The following RSU1 variants were observed in gnomAD, a reference collection of about 807,000 sequenced individuals.
RSU1 encodes the protein Ras suppressor protein 1.
A neutral mutation model predicts 31.1 loss-of-function variants in RSU1; 26 were observed. That is an observed-to-expected ratio of 0.84 (90% confidence interval 0.61 to 1.16). RSU1 has a LOEUF of 1.16. Ranked by LOEUF, RSU1 falls within the 50% of genes most tolerant of loss-of-function variation. RSU1 has a pLI of 0.00. For missense variants in RSU1, 320 were observed against 339.1 expected (o/e 0.94, Z 0.44); for synonymous variants, 164 against 136.3 (o/e 1.20, Z -1.41).
chr10:16,722,573 T>G (rs1836288298), intron 7 of RSU1, among the ~76,000 whole-genome samples: 1 of 151,864 alleles, frequency 6.6e-6, no homozygotes, highest in Non-Finnish European at 1.5e-5. Context: ...AGGTGAGAGG[T>G]CTAGCTAGGT....
At chr10:16,783,597 T>G (rs34881937) in intron 2 of RSU1, among the ~76,000 whole-genome samples, 22,270 of 151,684 alleles carry the variant, frequency 0.15, 2,542 homozygotes, top group East Asian at 0.33. Flanking sequence ...TTCATGATCC[T>G]CCCACCTTGG....
At chr10:16,779,060 A>T (rs2131643807) in intron 3 of RSU1, among the ~76,000 whole-genome samples, 1 of 152,326 alleles carries the variant, frequency 6.6e-6, no homozygotes, top group East Asian at 1.9e-4. Flanking sequence ...CAGAAGAAAA[A>T]AATTCACTTG....
At position 16,752,508 on chromosome 10, in the gene RSU1, C is replaced by T. The variant is rs372586463; in HGVS notation, c.598+31G>A. 2.8e-5 allele frequency: 42 copies of T among 1,516,160 alleles called. No individual in the cohort carries two copies. The African/African-American group carries it at 4.8e-4, about 17-fold the overall frequency. The allele number at this position is 1,516,160 out of a possible 1,614,324, so 93.9% of individuals were successfully genotyped here. On this transcript the variant is annotated intron_variant, in intron 7 of 8. Transcript: ENST00000345264. Reference sequence around the variant, plus strand: ...TAGGATAATTGTTATTCATGAAACCCAGAACTAAGTTCATTCATCAGCAAC... The same window carrying T: ...TAGGATAATTGTTATTCATGAAACCTAGAACTAAGTTCATTCATCAGCAAC...
At chr10:16,805,318 G>A (rs1838243048) in intron 2 of RSU1, among the ~76,000 whole-genome samples, 2 of 152,194 alleles carry the variant, frequency 1.3e-5, no homozygotes, top group African/African-American at 4.8e-5. Context: ...ATGGAGGAGA[G>A]ACGTGGATCT....
At chr10:16,672,142 C>CAA (rs528486452) in intron 8 of RSU1, among the ~76,000 whole-genome samples, 5 of 112,496 alleles carry the variant, frequency 4.4e-5, no homozygotes, top group Non-Finnish European at 6.1e-5. Flanking sequence ...ACTAAAAATA[C>CAA]AAAAAAAAAA....
chr10:16,802,923 T>C (rs957426551), intron 2 of RSU1, among the ~76,000 whole-genome samples: 4 of 152,172 alleles, frequency 2.6e-5, no homozygotes, highest in African/African-American at 7.2e-5. Flanking sequence ...ATTAACAAGA[T>C]ACTTAATGTT....
intron 8 of RSU1, among the ~76,000 whole-genome samples, chr10:16,657,887 G>A (rs1834817208): frequency 6.6e-6 from 1 of 152,158 alleles, no homozygotes; most frequent in Non-Finnish European, 1.5e-5. Flanking sequence ...CTACTCGGGA[G>A]GCTGAGGCAC....
intron 7 of RSU1, among the ~76,000 whole-genome samples, chr10:16,713,406 T>C (rs894755300): frequency 2.0e-4 from 31 of 152,318 alleles, no homozygotes; most frequent in Middle Eastern, 3.4e-3. Context: ...TATTTTTTTT[T>C]CCCTCTGACT....
chr10:16,769,794 G>A (rs1298004949), intron 3 of RSU1, among the ~76,000 whole-genome samples: 1 of 152,196 alleles, frequency 6.6e-6, no homozygotes, highest in African/African-American at 2.4e-5. Flanking sequence ...TCCAAATAAA[G>A]ATGCCTCTTG....
intron 2 of RSU1, among the ~76,000 whole-genome samples, chr10:16,811,179 G>C (rs573276748): frequency 6.6e-6 from 1 of 152,248 alleles, no homozygotes; most frequent in South Asian, 2.1e-4. Context: ...ATGCTGTACA[G>C]TTTTGTAGCC....
At chr10:16,719,337 A>G (rs914882452) in intron 7 of RSU1, among the ~76,000 whole-genome samples, 4 of 152,000 alleles carry the variant, frequency 2.6e-5, no homozygotes, top group Admixed American at 1.3e-4. Context: ...AAAAACCCCA[A>G]TGTCATTCAA....
At chr10:16,715,121 T>C (rs192150103) in intron 7 of RSU1, among the ~76,000 whole-genome samples, 5 of 152,220 alleles carry the variant, frequency 3.3e-5, no homozygotes, top group Non-Finnish European at 4.4e-5. Context: ...GGAAGTTTGC[T>C]GCTCCCCTAG....
At chr10:16,611,021 A>G (rs1833883418) in intron 8 of RSU1, among the ~76,000 whole-genome samples, 1 of 152,212 alleles carries the variant, frequency 6.6e-6, no homozygotes, top group African/African-American at 2.4e-5. Flanking sequence ...AAATATGTTC[A>G]GTCCTTCTCT....
At chr10:16,674,977 G>A (rs1284421370) in intron 8 of RSU1, among the ~76,000 whole-genome samples, 1 of 152,138 alleles carries the variant, frequency 6.6e-6, no homozygotes, top group Non-Finnish European at 1.5e-5. Flanking sequence ...AGGTTGCAGT[G>A]AGCCAAGACT....
chr10:16,683,194 G>A (rs1193437612), intron 8 of RSU1, among the ~76,000 whole-genome samples: 1 of 80,964 alleles, frequency 1.2e-5, no homozygotes, highest in Admixed American at 1.0e-4. Context: ...TTGTGGTAGG[G>A]GTGTGGATCA....
chr10:16,706,777 A>G, intron 7 of RSU1, among the ~76,000 whole-genome samples: 1 of 152,092 alleles, frequency 6.6e-6, no homozygotes, highest in East Asian at 1.9e-4. Flanking sequence ...ACAATATTTC[A>G]CTGTTAATTA....
At chr10:16,662,407 A>T (rs1386279599) in intron 8 of RSU1, among the ~76,000 whole-genome samples, 1 of 152,196 alleles carries the variant, frequency 6.6e-6, no homozygotes, top group Admixed American at 6.5e-5. Flanking sequence ...TACACACCTA[A>T]AAGAGAAGTT....
At chr10:16,722,163 T>C (rs1489949244) in intron 7 of RSU1, among the ~76,000 whole-genome samples, 1 of 152,184 alleles carries the variant, frequency 6.6e-6, no homozygotes, top group African/African-American at 2.4e-5. Flanking sequence ...ATTATTATTG[T>C]TAATCTCTTA....
chr10:16,635,844 G>C (rs1203268395), intron 8 of RSU1, among the ~76,000 whole-genome samples: 2 of 152,178 alleles, frequency 1.3e-5, no homozygotes, highest in African/African-American at 4.8e-5. Context: ...TCCTGGCCTT[G>C]CTAGGACCTC....
Sources: allele counts gnomAD v4.1 joint callset (sites outside exome capture counted in the v4.1 genomes callset), GRCh38; gene constraint gnomAD v4.1.1; transcripts MANE v1.5; gene names NCBI Gene and HGNC (gene_info 2026-07-23, HGNC 2026-07-21).